The following CDKL4 variants were observed in gnomAD, a reference collection of about 807,000 sequenced individuals.
CDKL4 encodes the protein cyclin-dependent kinase-like 4.
Under a neutral mutation model 42.0 loss-of-function variants are expected in CDKL4, and 44 were observed. The observed-to-expected ratio is 1.05, with a 90% confidence interval of 0.82 to 1.35. The LOEUF is 1.35. Among genes scored for constraint, CDKL4 ranks in the 40% most tolerant of loss-of-function variants. The pLI is 0.00. For missense variants in CDKL4, 393 were observed against 369.9 expected (o/e 1.06, Z -0.51); for synonymous variants, 120 against 121.6 (o/e 0.99, Z 0.09).
chr2:39,204,853 T>C (rs1202766600), intron 4 of CDKL4, among the ~76,000 whole-genome samples: 1 of 152,120 alleles, frequency 6.6e-6, no homozygotes, highest in Non-Finnish European at 1.5e-5. Context: ...ATTATAATTG[T>C]ATATAAAAAC....
chr2:39,188,901 A>C (rs1428298300), intron 6 of CDKL4, among the ~76,000 whole-genome samples: 3 of 152,164 alleles, frequency 2.0e-5, no homozygotes, highest in Non-Finnish European at 4.4e-5. Context: ...TATGTTGCCC[A>C]GCCTGGAGTA....
At chr2:39,224,441 A>T (rs1051905474) in intron 3 of CDKL4, among the ~76,000 whole-genome samples, 3 of 151,042 alleles carry the variant, frequency 2.0e-5, no homozygotes, top group Non-Finnish European at 4.4e-5. Flanking sequence ...ACAACTCTTT[A>T]TCTTTATTCC....
At chr2:39,185,392 A>G (rs59209316) in intron 7 of CDKL4, among the ~76,000 whole-genome samples, 1,055 of 55,878 alleles carry the variant, frequency 0.019, 277 homozygotes, top group Non-Finnish European at 0.03. Context: ...ATATACATGT[A>G]TATATACATA....
downstream of CDKL4, among the ~76,000 whole-genome samples, chr2:39,174,463 A>C (rs980303634): frequency 6.6e-6 from 1 of 152,066 alleles, no homozygotes; most frequent in Non-Finnish European, 1.5e-5. Context: ...TTCCTTATTA[A>C]ATGGATGCTT....
chr2:39,190,184 G>C (rs1676091903), intron 6 of CDKL4, 121 bp downstream of exon 6: 6 of 675,968 alleles, frequency 8.9e-6, no homozygotes, highest in Admixed American at 3.4e-5. Flanking sequence ...CATCCTGAGT[G>C]ACACTTTGAA....
exon 7 of CDKL4, chr2:39,187,693 T>A: frequency 6.2e-7 from 1 of 1,611,398 alleles, no homozygotes; most frequent in Non-Finnish European, 8.5e-7. Context: ...TTGATTGATG[T>A]CTTGGGATTA....
intron 3 of CDKL4, among the ~76,000 whole-genome samples, chr2:39,224,629 G>A (rs770899382): frequency 3.3e-5 from 5 of 150,624 alleles, no homozygotes; most frequent in East Asian, 2.0e-4. Flanking sequence ...TCAGCCTCCC[G>A]AGTAGCTGGG....
intron 5 of CDKL4, 84 bp downstream of exon 5, chr2:39,204,443 T>C: frequency 1.2e-6 from 1 of 807,230 alleles, no homozygotes; most frequent in Non-Finnish European, 2.1e-6. Flanking sequence ...ATTTGGCATA[T>C]GTCCAATATC....
chr2:39,185,556 G>A (rs887228286), intron 7 of CDKL4, among the ~76,000 whole-genome samples: 2 of 149,316 alleles, frequency 1.3e-5, no homozygotes, highest in East Asian at 3.9e-4. Flanking sequence ...TCCGCCTCCC[G>A]GGTTGATGCC....
intron 5 of CDKL4, among the ~76,000 whole-genome samples, chr2:39,198,642 G>T (rs1558558072): frequency 6.6e-6 from 1 of 152,026 alleles, no homozygotes; most frequent in Admixed American, 6.5e-5. Context: ...AACTCTCACA[G>T]ATCACAGTGG....
chr2:39,193,525 G>C (rs186416843), intron 5 of CDKL4, among the ~76,000 whole-genome samples: 1 of 151,720 alleles, frequency 6.6e-6, no homozygotes. Context: ...ACAGACATGC[G>C]CCAACATGCC....
At chr2:39,202,215 G>T (rs1676898826) in intron 5 of CDKL4, among the ~76,000 whole-genome samples, 1 of 151,796 alleles carries the variant, frequency 6.6e-6, no homozygotes. Flanking sequence ...CTGGGCAACA[G>T]AGCAAGACTC....
At chr2:39,179,159 T>C (rs978491330) in intron 9 of CDKL4, 28 bp downstream of exon 9, 6 of 1,584,644 alleles carry the variant, frequency 3.8e-6, no homozygotes, top group Non-Finnish European at 5.1e-6. Flanking sequence ...ATTATTTTTA[T>C]AGCACTTTAA....
chr2:39,224,087 A>T (rs1197823016), intron 3 of CDKL4, among the ~76,000 whole-genome samples: 1 of 152,224 alleles, frequency 6.6e-6, no homozygotes, highest in Non-Finnish European at 1.5e-5. Flanking sequence ...TGTTATTTGT[A>T]AAATCTGCAT....
intron 1 of CDKL4, among the ~76,000 whole-genome samples, chr2:39,235,325 C>T (rs1156650804): frequency 1.3e-5 from 2 of 151,328 alleles, no homozygotes; most frequent in Non-Finnish European, 2.9e-5. Context: ...ACTTAAAGAT[C>T]AAAGTAAAGG....
At chr2:39,239,782 G>C (rs1679561788) in intron 1 of CDKL4, among the ~76,000 whole-genome samples, 1 of 152,204 alleles carries the variant, frequency 6.6e-6, no homozygotes, top group Non-Finnish European at 1.5e-5. Context: ...AAAACAGTTT[G>C]GCAATGTCTT....
chr2:39,168,721 A>T, the CDKL4 span, among the ~76,000 whole-genome samples: 1 of 150,780 alleles, frequency 6.6e-6, no homozygotes, highest in South Asian at 2.1e-4. Flanking sequence ...AAAAAAAAAA[A>T]AGAGAGAGCC....
chr2:39,229,113 G>A (rs1479859985), intron 2 of CDKL4, among the ~76,000 whole-genome samples: 1 of 152,184 alleles, frequency 6.6e-6, no homozygotes, highest in Middle Eastern at 3.2e-3. Context: ...AAACACTGGG[G>A]TGAGTGGACT....
chr2:39,215,775 T>C (rs1396925112), intron 3 of CDKL4, among the ~76,000 whole-genome samples: 1 of 152,182 alleles, frequency 6.6e-6, no homozygotes, highest in East Asian at 1.9e-4. Flanking sequence ...TCAGAGCAGT[T>C]TCCTGATCTT....
Sources: allele counts gnomAD v4.1 joint callset (sites outside exome capture counted in the v4.1 genomes callset), GRCh38; gene constraint gnomAD v4.1.1; transcripts MANE v1.5; gene names NCBI Gene and HGNC (gene_info 2026-07-23, HGNC 2026-07-21).